The following PLEKHM3 variants were observed in gnomAD, a reference collection of about 807,000 sequenced individuals.
PLEKHM3 encodes the protein pleckstrin homology domain containing M3.
In PLEKHM3, 45 loss-of-function variants were observed where a neutral mutation model predicts 81.8. That is an observed-to-expected ratio of 0.55 (90% CI 0.43 to 0.71). The LOEUF is 0.71. Among genes scored for constraint, PLEKHM3 ranks in the 30% least tolerant of loss-of-function variants. The pLI is 0.00. For missense variants in PLEKHM3, 788 were observed against 924.3 expected, an observed-to-expected ratio of 0.85 and a Z score of 1.91; for synonymous variants, 352 against 356.4, an observed-to-expected ratio of 0.99 and a Z score of 0.14.
At chr2:207,887,617 G>A (rs1208809254) in intron 6 of PLEKHM3, among the ~76,000 whole-genome samples, 4 of 152,206 alleles carry the variant, frequency 2.6e-5, no homozygotes, top group Non-Finnish European at 5.9e-5. Context: ...TTACTCATCA[G>A]TAAACAATCA....
intron 6 of PLEKHM3, among the ~76,000 whole-genome samples, chr2:207,872,612 T>C (rs2092540482): frequency 6.6e-6 from 1 of 152,096 alleles, no homozygotes; most frequent in Non-Finnish European, 1.5e-5. Context: ...CTGAGGGGGA[T>C]GGATCACCTG....
At chr2:207,968,495 G>A (rs972269912) in intron 3 of PLEKHM3, among the ~76,000 whole-genome samples, 35 of 152,138 alleles carry the variant, frequency 2.3e-4, no homozygotes, top group African/African-American at 7.5e-4. Flanking sequence ...GGCCATGATG[G>A]CTTGACCCTT....
chr2:208,023,192 T>C (rs552021675), intron 1 of PLEKHM3, among the ~76,000 whole-genome samples: 2 of 151,926 alleles, frequency 1.3e-5, no homozygotes, highest in African/African-American at 4.8e-5. Flanking sequence ...TTGCCCAGGC[T>C]GGTGTGCGTG....
intron 7 of PLEKHM3, among the ~76,000 whole-genome samples, chr2:207,833,844 C>T (rs2092302328): frequency 6.6e-6 from 1 of 152,212 alleles, no homozygotes; most frequent in Non-Finnish European, 1.5e-5. Flanking sequence ...GCAAGTGTCA[C>T]CTGCTGGCTT....
intron 3 of PLEKHM3, among the ~76,000 whole-genome samples, chr2:207,955,192 T>C (rs1014750346): frequency 1.3e-5 from 2 of 152,224 alleles, no homozygotes; most frequent in Non-Finnish European, 2.9e-5. Flanking sequence ...TTAATTTTTC[T>C]TAGGATAAGA....
At chr2:207,970,073 T>A (rs1010833191) in intron 3 of PLEKHM3, among the ~76,000 whole-genome samples, 6 of 152,076 alleles carry the variant, frequency 3.9e-5, no homozygotes, top group Non-Finnish European at 8.8e-5. Context: ...GGAGAGGAAG[T>A]TAGCTACAAA....
chr2:207,872,559 C>T (rs562554258), intron 6 of PLEKHM3, among the ~76,000 whole-genome samples: 40 of 152,238 alleles, frequency 2.6e-4, no homozygotes, highest in South Asian at 4.1e-4. Context: ...CCGAGGCGGC[C>T]GGGCGCAGTG....
intron 4 of PLEKHM3, among the ~76,000 whole-genome samples, chr2:207,940,076 G>A (rs546013253): frequency 2.0e-5 from 3 of 152,284 alleles, no homozygotes; most frequent in East Asian, 3.9e-4. Flanking sequence ...GTTCCCAGGG[G>A]ACAGGCTTCA....
intron 5 of PLEKHM3, among the ~76,000 whole-genome samples, chr2:207,929,091 T>C (rs774434125): frequency 4.6e-5 from 7 of 152,226 alleles, no homozygotes; most frequent in Non-Finnish European, 7.3e-5. Flanking sequence ...ACTGAACACC[T>C]ACCTTGTGCC....
intron 7 of PLEKHM3, among the ~76,000 whole-genome samples, chr2:207,833,690 G>C (rs992639399): frequency 2.6e-5 from 4 of 152,136 alleles, no homozygotes; most frequent in African/African-American, 9.7e-5. Flanking sequence ...TCCCAGTTGT[G>C]ACAACCAGCA....
intron 1 of PLEKHM3, among the ~76,000 whole-genome samples, chr2:208,005,514 C>A (rs1285022566): frequency 6.6e-6 from 1 of 152,026 alleles, no homozygotes; most frequent in Admixed American, 6.6e-5. Context: ...ATTATTAAAC[C>A]AGGGCTATAT....
Position 207,976,228 on chromosome 2 carries a change from T to C in PLEKHM3, c.1546+423A>G, listed in dbSNP as rs1051562099. Among the ~76,000 whole-genome samples the C allele has an allele frequency of 2.0e-5, 3 of 152,254 alleles. No homozygotes were observed. The highest frequency in any genetic ancestry group is 7.2e-5 in the African/African-American group (3 of 41,476). On this transcript the variant is annotated intron_variant, in intron 3 of 7. Transcript: ENST00000427836. The surrounding 1 kb of genome is among the most constrained non-coding windows in gnomAD (Gnocchi z 4.1). ...ATGACAGTTACTGACTGTGGCCATT[T>C]TCCTTGCCTAAGGAGTTTTAGTAGT...
chr2:207,943,263 A>G (rs555447429), intron 4 of PLEKHM3, among the ~76,000 whole-genome samples: 1 of 152,354 alleles, frequency 6.6e-6, no homozygotes, highest in African/African-American at 2.4e-5. Context: ...CATAGTATGT[A>G]TGTATCAAAA....
At chr2:207,970,590 C>G (rs1410576096) in intron 3 of PLEKHM3, among the ~76,000 whole-genome samples, 3 of 152,350 alleles carry the variant, frequency 2.0e-5, no homozygotes, top group South Asian at 4.1e-4. Flanking sequence ...AGGGTTATTA[C>G]TGTAGCCTTA....
intron 3 of PLEKHM3, among the ~76,000 whole-genome samples, chr2:207,959,735 T>C (rs1690668313): frequency 6.6e-6 from 1 of 152,246 alleles, no homozygotes; most frequent in South Asian, 2.1e-4. Flanking sequence ...TTGAGCCATT[T>C]TGGTAATGAT....
At chr2:207,988,549 C>T (rs1322283287) in intron 2 of PLEKHM3, among the ~76,000 whole-genome samples, 1 of 152,044 alleles carries the variant, frequency 6.6e-6, no homozygotes, top group Non-Finnish European at 1.5e-5. Flanking sequence ...TATAGCAGAC[C>T]CTTCCACCTC....
rs1156380690 is a variant in PLEKHM3 at position 207,828,455 on chromosome 2, T to C, written c.2150A>G (p.Glu717Gly). The C allele has an allele frequency of 6.2e-7, 1 of 1,613,970 alleles. No homozygotes were observed. Among genetic ancestry groups the C allele is most frequent in the African/African-American group, 1.3e-5 (1 of 74,896 alleles). ...ACACCTCGGGCAGGGGACAGACTTTTCTTTGCATTCAGAATGGAAAACGGC... is the reference window on the plus strand; with the variant it reads ...ACACCTCGGGCAGGGGACAGACTTTCCTTTGCATTCAGAATGGAAAACGGC... ...CGAVFHSECK[E>G]KSVPCPRCVR... is the part of the protein sequence containing the mutation. Residue 717 changes from glutamate to glycine, a missense_variant, in exon 8 of 8, where the codon GAA becomes GGA. Glu to Gly is a moderately conservative substitution (Grantham distance 98, BLOSUM62 -2). Coordinates refer to ENST00000427836, the MANE Select transcript of PLEKHM3 (RefSeq NM_001080475.3).
chr2:207,844,196 G>A lies in PLEKHM3; in HGVS notation c.2109-15700C>T, dbSNP rs527859524. ...TTCAGTCTAAGTTAAATCAGTTCAA[G>A]TTAGTGGCTTCCAATATTTCCAAGG... is the stretch of plus-strand genomic sequence containing the variant. On this transcript the variant is annotated intron_variant, in intron 7 of 7. Coordinates refer to ENST00000427836, the MANE Select transcript of PLEKHM3 (RefSeq NM_001080475.3). Among the ~76,000 whole-genome samples, 200 of 151,534 alleles carry A rather than the reference G, an allele frequency of 1.3e-3. 2 individuals carry two copies. The highest frequency in any genetic ancestry group is 4.7e-3 in the African/African-American group (195 of 41,296).
intron 6 of PLEKHM3, among the ~76,000 whole-genome samples, chr2:207,871,427 A>G (rs1393305605): frequency 2.6e-5 from 4 of 152,164 alleles, no homozygotes; most frequent in Non-Finnish European, 4.4e-5. Flanking sequence ...CTGGGAAACT[A>G]TGTGATAGTT....
Sources: gnomAD v4.1 joint callset for allele counts (sites outside exome capture counted in the v4.1 genomes callset) on GRCh38, gnomAD v4.1.1 for gene constraint, Gnocchi (gnomAD v3.1) non-coding constraint, MANE v1.5 for transcripts, NCBI Gene and HGNC (gene_info 2026-07-23, HGNC 2026-07-21) for gene names.